The following KCNMA1 variants were observed in gnomAD, a reference collection of about 807,000 sequenced individuals.
The protein encoded by KCNMA1 is potassium calcium-activated channel subfamily M alpha 1, also known as Calcium-activated potassium channel subunit alpha-1.
In KCNMA1, 29 loss-of-function variants were observed where a neutral mutation model predicts 140.0. The observed-to-expected ratio is 0.21, with a 90% CI of 0.15 to 0.28. KCNMA1 has a LOEUF of 0.28. Ranked by LOEUF, KCNMA1 falls within the 10% of genes least tolerant of loss-of-function variation. KCNMA1 has a pLI of 1.00. For missense variants in KCNMA1, 880 were observed against 1,602.2 expected (o/e 0.55, Z 7.70); for synonymous variants, 612 against 611.9 (o/e 1.00, Z 0.00).
At chr10:76,947,439 T>C (rs777828586) in intron 22 of KCNMA1, among the ~76,000 whole-genome samples, 7 of 151,976 alleles carry the variant, frequency 4.6e-5, no homozygotes, top group Non-Finnish European at 8.8e-5. Context: ...ATATCACACA[T>C]ATACCCATCT....
At chr10:76,901,001 C>T (rs978517098) in intron 25 of KCNMA1, among the ~76,000 whole-genome samples, 1 of 151,330 alleles carries the variant, frequency 6.6e-6, no homozygotes, top group African/African-American at 2.4e-5. Flanking sequence ...ATTGCTATAA[C>T]AAAAATTTTT....
chr10:77,523,160 C>T (rs1023178372), intron 1 of KCNMA1, among the ~76,000 whole-genome samples: 1 of 151,504 alleles, frequency 6.6e-6, no homozygotes, highest in Admixed American at 6.6e-5. Flanking sequence ...TAGACTGGGA[C>T]ATCCTTAAGA....
At chr10:77,222,179 T>C (rs913703198) in intron 3 of KCNMA1, among the ~76,000 whole-genome samples, 3 of 152,202 alleles carry the variant, frequency 2.0e-5, no homozygotes, top group African/African-American at 7.2e-5. Context: ...GGAACTGCAT[T>C]TCTGGCTTTG....
intron 2 of KCNMA1, among the ~76,000 whole-genome samples, chr10:77,326,682 C>T (rs1023008399): frequency 3.3e-5 from 5 of 152,108 alleles, no homozygotes; most frequent in African/African-American, 1.2e-4. Flanking sequence ...CTGGTGGAAG[C>T]TTTACTGACC....
intron 5 of KCNMA1, among the ~76,000 whole-genome samples, chr10:77,177,994 C>A (rs1565013937): frequency 6.6e-6 from 1 of 151,910 alleles, no homozygotes; most frequent in African/African-American, 2.4e-5. Flanking sequence ...CCTTCTGACA[C>A]AAAAAAAGGA....
chr10:77,440,876 T>A (rs2097381999), intron 1 of KCNMA1, among the ~76,000 whole-genome samples: 1 of 152,190 alleles, frequency 6.6e-6, no homozygotes, highest in Non-Finnish European at 1.5e-5. Context: ...TGGAGTGCAG[T>A]GGCACGATCT....
intron 1 of KCNMA1, among the ~76,000 whole-genome samples, chr10:77,573,312 T>C (rs1164836840): frequency 3.3e-5 from 5 of 152,128 alleles, no homozygotes; most frequent in East Asian, 1.9e-4. Flanking sequence ...AGTGTGTGCA[T>C]GGGCGGTGGG....
At chr10:77,193,917 C>T (rs2039516059) in intron 3 of KCNMA1, among the ~76,000 whole-genome samples, 1 of 152,172 alleles carries the variant, frequency 6.6e-6, no homozygotes, top group African/African-American at 2.4e-5. Flanking sequence ...CCTAGGGAAA[C>T]AAGAATAGAC....
Position 77,228,729 on chromosome 10 carries a change from T to G in KCNMA1, c.602+22466A>C, listed in dbSNP as rs139866758. 2.4e-3 allele frequency among the ~76,000 whole-genome samples: 358 copies of G among 152,108 alleles called. 1 individual carries two copies. Among genetic ancestry groups the G allele is most frequent in the African/African-American group, 8.0e-3 (331 of 41,480 alleles). The stretch of plus-strand genomic sequence containing the variant: ...ACTGGGGCACTGAGTGTAAACACTC[T>G]CCCGGCTACTGCTTTGCTCTTTCCC... On this transcript the variant is annotated intron_variant, in intron 3 of 27. Coordinates refer to ENST00000286628, the MANE Select transcript of KCNMA1 (RefSeq NM_001161352.2).
chr10:77,452,773 C>T lies in KCNMA1; in HGVS notation c.379-48750G>A, dbSNP rs1179451700. Among the ~76,000 whole-genome samples, 3 of 152,288 alleles carry T rather than the reference C, an allele frequency of 2.0e-5. No individual in the cohort carries two copies. In the East Asian group the frequency reaches 5.8e-4, roughly 29 times the overall value. On this transcript the variant is annotated intron_variant, in intron 1 of 27. Transcript: ENST00000286628. ...TCTGCTTCTGATGATGTTTTCTTAT[C>T]TCAATTCAGGGACAAAGAGGGATCC...
intron 3 of KCNMA1, among the ~76,000 whole-genome samples, chr10:77,247,359 A>G (rs60227101): frequency 0.024 from 3,692 of 152,212 alleles, 67 homozygotes; most frequent in Middle Eastern, 0.031. Context: ...TCTCATGCTG[A>G]CACTGGTGGG....
chr10:77,137,815 T>G (rs1288928689), intron 5 of KCNMA1, among the ~76,000 whole-genome samples: 1 of 152,210 alleles, frequency 6.6e-6, no homozygotes, highest in Non-Finnish European at 1.5e-5. Flanking sequence ...AGGGTCTTAC[T>G]TTGTCACCCA....
At chr10:77,520,153 GTCTGGC>G (rs1475707731) in intron 1 of KCNMA1, among the ~76,000 whole-genome samples, 1 of 4,332 alleles carries the variant, frequency 2.3e-4, no homozygotes. Flanking sequence ...GCAGTGTGAG[GTCTGGC>G]ATATGCAGTG....
chr10:77,574,167 G>C (rs1486044555), intron 1 of KCNMA1, among the ~76,000 whole-genome samples: 4 of 151,902 alleles, frequency 2.6e-5, no homozygotes, highest in African/African-American at 9.7e-5. Context: ...ATAATGAAAA[G>C]ATTATGTCAA....
At position 77,480,280 on chromosome 10, in the gene KCNMA1, C is replaced by A. The variant is rs150733068; in HGVS notation, c.379-76257G>T. The stretch of plus-strand genomic sequence containing the variant: ...ATGACAGCATAGGGCTGGCCCTGCC[C>A]GCCTCCCATCTGGCAGCAAGGATCC... On this transcript the variant is annotated intron_variant, in intron 1 of 27. Transcript: ENST00000286628. 9.9e-4 allele frequency among the ~76,000 whole-genome samples: 150 copies of A among 152,218 alleles called. 1 individual carries two copies. The highest frequency in any genetic ancestry group is 1.9e-3 in the Non-Finnish European group (130 of 68,040).
intron 2 of KCNMA1, among the ~76,000 whole-genome samples, chr10:77,359,835 C>T (rs2093799287): frequency 6.6e-6 from 1 of 152,234 alleles, no homozygotes. Flanking sequence ...AATCAATTTT[C>T]CTGTTCATTT....
intron 1 of KCNMA1, among the ~76,000 whole-genome samples, chr10:77,606,367 C>G (rs969879237): frequency 3.9e-5 from 6 of 152,186 alleles, no homozygotes; most frequent in Admixed American, 2.0e-4. Flanking sequence ...CACAGTGGCT[C>G]ACACCTGTAA....
intron 2 of KCNMA1, among the ~76,000 whole-genome samples, chr10:77,280,580 G>C (rs543718920): frequency 6.6e-6 from 1 of 152,240 alleles, no homozygotes; most frequent in African/African-American, 2.4e-5. Context: ...AGACTGGAGT[G>C]CAGTGGCACA....
At chr10:77,284,953 A>G (rs1269406189) in intron 2 of KCNMA1, among the ~76,000 whole-genome samples, 1 of 152,236 alleles carries the variant, frequency 6.6e-6, no homozygotes, top group Non-Finnish European at 1.5e-5. Context: ...ACAATATTAT[A>G]ATAGAGAAGA....
Sources: gnomAD v4.1 joint callset for allele counts (sites outside exome capture counted in the v4.1 genomes callset) on GRCh38, gnomAD v4.1.1 for gene constraint, MANE v1.5 for transcripts, NCBI Gene and HGNC (gene_info 2026-07-23, HGNC 2026-07-21) for gene names.